Variants in DCAF8L2 observed in about 807,000 individuals in gnomAD.
DCAF8L2 encodes DDB1 and CUL4 associated factor 8 like 2, also known as DDB1- and CUL4-associated factor 8-like protein 2.
For synonymous variants in DCAF8L2, 200 were observed against 190.9 expected (o/e 1.05, Z -0.39); for missense variants, 430 against 490.7 (o/e 0.88, Z 1.17).
At chrX:27,672,767 C>G (rs1200810990) in intron 2 of DCAF8L2, among the ~76,000 whole-genome samples, 1 of 112,248 alleles carries the variant, frequency 8.9e-6, no homozygotes, top group Non-Finnish European at 1.9e-5. Flanking sequence ...AATAAAATCC[C>G]TCAATTTCAG....
the DCAF8L2 span, among the ~76,000 whole-genome samples, chrX:27,475,220 T>A: frequency 9.0e-6 from 1 of 110,667 alleles, no homozygotes; most frequent in Non-Finnish European, 1.9e-5. Context: ...TCACTTCCCT[T>A]AGAGGTAAGT....
intron 3 of DCAF8L2, among the ~76,000 whole-genome samples, chrX:27,700,844 A>T (rs1931103254): frequency 9.0e-6 from 1 of 111,431 alleles, no homozygotes; most frequent in South Asian, 3.8e-4. Flanking sequence ...CTAATAATAA[A>T]ATGTCAATAT....
At chrX:27,612,851 G>A (rs1291432115) in intron 1 of DCAF8L2, among the ~76,000 whole-genome samples, 1 of 111,652 alleles carries the variant, frequency 9.0e-6, no homozygotes, top group African/African-American at 3.3e-5. Context: ...GGTTACTGTA[G>A]CCTTGTGGTA....
the DCAF8L2 span, among the ~76,000 whole-genome samples, chrX:27,471,883 T>C: frequency 1.8e-5 from 2 of 110,820 alleles, no homozygotes; most frequent in South Asian, 7.5e-4. Flanking sequence ...AAAATCACCC[T>C]TTTCTTATAG....
the DCAF8L2 span, among the ~76,000 whole-genome samples, chrX:27,498,345 GTTTA>G: frequency 1.8e-5 from 2 of 112,218 alleles, no homozygotes; most frequent in Non-Finnish European, 3.8e-5. Flanking sequence ...ATTATTTTCT[GTTTA>G]TTTGTTTGCT....
At chrX:27,696,332 A>AAGAAAGAAAGAAAGAG (rs1236353497) in intron 3 of DCAF8L2, among the ~76,000 whole-genome samples, 2 of 31,684 alleles carry the variant, frequency 6.3e-5, no homozygotes, top group Admixed American at 2.4e-4. Context: ...GAAAGAAAGA[A>AAGAAAGAAAGAAAGAG]AAAGAAAGAA....
intron 1 of DCAF8L2, among the ~76,000 whole-genome samples, chrX:27,627,854 A>G (rs1928104992): frequency 9.2e-6 from 1 of 108,390 alleles, no homozygotes; most frequent in South Asian, 4.0e-4. Flanking sequence ...AGATCGTGCC[A>G]CTGCACTCTA....
At chrX:27,683,031 C>T (rs1404623929) in intron 3 of DCAF8L2, among the ~76,000 whole-genome samples, 1 of 111,654 alleles carries the variant, frequency 9.0e-6, no homozygotes, top group Non-Finnish European at 1.9e-5. Context: ...TAAACACATA[C>T]TAGGCTTCTT....
chrX:27,512,979 T>TA, the DCAF8L2 span, among the ~76,000 whole-genome samples: 1 of 110,192 alleles, frequency 9.1e-6, no homozygotes, highest in South Asian at 3.8e-4. Flanking sequence ...AAAATGCCAA[T>TA]AACAGACATG....
At chrX:27,513,017 G>T in the DCAF8L2 span, among the ~76,000 whole-genome samples, 2 of 110,854 alleles carry the variant, frequency 1.8e-5, no homozygotes, top group African/African-American at 3.3e-5. Flanking sequence ...TTCAATAAAT[G>T]GTGCTGGGAC....
At chrX:27,616,959 A>G (rs1176307613) in intron 1 of DCAF8L2, among the ~76,000 whole-genome samples, 1 of 111,858 alleles carries the variant, frequency 8.9e-6, no homozygotes, top group Admixed American at 9.5e-5. Flanking sequence ...TTTTGAATAC[A>G]CCATTCTATT....
At chrX:27,514,699 A>C in the DCAF8L2 span, among the ~76,000 whole-genome samples, 17 of 95,670 alleles carry the variant, frequency 1.8e-4, 1 homozygote, top group South Asian at 9.0e-4. Context: ...AAAAAAACAA[A>C]AAAAAAAAAC....
At chrX:27,521,885 G>T in the DCAF8L2 span, among the ~76,000 whole-genome samples, 2 of 112,136 alleles carry the variant, frequency 1.8e-5, no homozygotes, top group East Asian at 5.6e-4. Flanking sequence ...ACTGATACAT[G>T]CAAGATAATA....
intron 3 of DCAF8L2, chrX:27,712,582 G>C (rs1365722994): frequency 9.0e-6 from 1 of 111,566 alleles, no homozygotes. Context: ...TTGACTACCA[G>C]AAACATTTCT....
chrX:27,682,805 A>G (rs1289667515), intron 3 of DCAF8L2, among the ~76,000 whole-genome samples: 1 of 110,757 alleles, frequency 9.0e-6, no homozygotes, highest in Non-Finnish European at 1.9e-5. Flanking sequence ...GTAAAGTTTT[A>G]TGTGCTTTAT....
chrX:27,523,348 T>G, the DCAF8L2 span, among the ~76,000 whole-genome samples: 1 of 110,508 alleles, frequency 9.0e-6, no homozygotes, highest in African/African-American at 3.3e-5. Flanking sequence ...ATATACAATA[T>G]ATAAATGTGT....
chrX:27,518,148 C>T, the DCAF8L2 span: 1 of 931,578 alleles, frequency 1.1e-6, no homozygotes, highest in East Asian at 3.1e-5. Flanking sequence ...AAGAAGCCAT[C>T]TTAAAGGATG....
At chrX:27,517,223 A>G in the DCAF8L2 span, among the ~76,000 whole-genome samples, 1 of 112,056 alleles carries the variant, frequency 8.9e-6, no homozygotes, top group East Asian at 2.8e-4. Flanking sequence ...TATTCTACAT[A>G]ATGATCCAAG....
intron 3 of DCAF8L2, among the ~76,000 whole-genome samples, chrX:27,697,936 A>G (rs1930988764): frequency 9.0e-6 from 1 of 111,196 alleles, no homozygotes; most frequent in Non-Finnish European, 1.9e-5. Flanking sequence ...TGTCATAAGT[A>G]TACGTGTATA....
Sources: allele counts gnomAD v4.1 joint callset (sites outside exome capture counted in the v4.1 genomes callset), GRCh38; gene constraint gnomAD v4.1.1; transcripts MANE v1.5; gene names NCBI Gene and HGNC (gene_info 2026-07-23, HGNC 2026-07-21).